JADE3: variants seen among roughly 807,000 people sequenced by gnomAD.
JADE3 encodes protein Jade-3.
JADE3 carries 2 observed loss-of-function variants against 50.1 expected under a neutral mutation model. The observed-to-expected ratio is 0.04, with a 90% CI of 0.02 to 0.13. JADE3 has a LOEUF of 0.13. Ranked by LOEUF, JADE3 falls within the 10% of genes least tolerant of loss-of-function variation. The pLI, the probability that JADE3 is intolerant of heterozygous loss-of-function variation, is 1.00. For missense variants in JADE3, 475 were observed against 634.4 expected, an observed-to-expected ratio of 0.75 and a Z score of 2.70; for synonymous variants, 218 against 232.9, an observed-to-expected ratio of 0.94 and a Z score of 0.58.
chrX:46,993,997 A>G (rs1928069458), intron 3 of JADE3, among the ~76,000 whole-genome samples: 1 of 111,990 alleles, frequency 8.9e-6, no homozygotes, highest in African/African-American at 3.2e-5. Flanking sequence ...GTGTAGCTTC[A>G]GATTTCAGTG....
chrX:47,053,641 T>C (rs1929569235), intron 8 of JADE3, among the ~76,000 whole-genome samples: 1 of 112,723 alleles, frequency 8.9e-6, no homozygotes, highest in Admixed American at 9.4e-5. Context: ...TTAGAACCAG[T>C]GGATGCTCTA....
intron 1 of JADE3, among the ~76,000 whole-genome samples, chrX:46,942,913 T>G (rs1306230221): frequency 2.7e-5 from 3 of 112,038 alleles, no homozygotes; most frequent in African/African-American, 9.7e-5. Context: ...GTAAAGATCT[T>G]TAACCTCCTT....
At chrX:46,915,298 C>T (rs1926057929) in intron 1 of JADE3, among the ~76,000 whole-genome samples, 1 of 112,061 alleles carries the variant, frequency 8.9e-6, no homozygotes, top group Admixed American at 9.4e-5. Context: ...GTGGAGCTTA[C>T]ACAAAATAGG....
chrX:47,014,488 G>A (rs1556362437), intron 4 of JADE3, among the ~76,000 whole-genome samples: 2 of 111,799 alleles, frequency 1.8e-5, no homozygotes, highest in Non-Finnish European at 3.8e-5. Context: ...GTAAAACAGC[G>A]ATTTCTCCTT....
At chrX:46,934,158 G>A (rs142735992) in intron 1 of JADE3, among the ~76,000 whole-genome samples, 3,312 of 111,015 alleles carry the variant, frequency 0.03, 145 homozygotes, top group African/African-American at 0.1. Context: ...TTTTTAAGAC[G>A]GAGTCTCGGC....
chrX:47,013,258 C>A (rs1928600868), intron 4 of JADE3, among the ~76,000 whole-genome samples: 1 of 111,621 alleles, frequency 9.0e-6, no homozygotes, highest in Non-Finnish European at 1.9e-5. Context: ...AAGCAGTTAT[C>A]CCATCTTGGC....
At chrX:47,004,560 G>A (rs1417138003) in intron 4 of JADE3, among the ~76,000 whole-genome samples, 1 of 111,944 alleles carries the variant, frequency 8.9e-6, no homozygotes, top group Admixed American at 9.5e-5. Flanking sequence ...CCTCCCAAGA[G>A]CTGGGACCAC....
chrX:47,059,863 C>T lies in JADE3; in HGVS notation c.*786C>T, dbSNP rs1236486416. 1.8e-5 allele frequency: 2 copies of T among 112,216 alleles called. No individual in the cohort carries two copies. The highest frequency in any genetic ancestry group is 6.5e-5 in the African/African-American group (2 of 30,818). The allele number at this position is 112,216 out of a possible 1,213,427, so 9.2% of individuals were successfully genotyped here. A position where few individuals can be genotyped will look rare whatever the true frequency, so the allele number is the denominator to read the frequency against. ...AGCCTTTCCCAAAGTGAGACCATTT[C>T]TGGGGTATTTGTACCAGGTCAGGGT... is the stretch of plus-strand genomic sequence containing the variant. On this transcript the variant is annotated 3_prime_UTR_variant, in exon 11 of 11. Transcript: ENST00000614628.
At chrX:47,053,279 G>T (rs1784896452) in intron 8 of JADE3, among the ~76,000 whole-genome samples, 1 of 109,808 alleles carries the variant, frequency 9.1e-6, no homozygotes, top group Non-Finnish European at 1.9e-5. Context: ...TTCTTTTTGA[G>T]ATAGGTTCTC....
At chrX:47,003,655 ATAT>A (rs1396589264) in intron 4 of JADE3, among the ~76,000 whole-genome samples, 5 of 100,598 alleles carry the variant, frequency 5.0e-5, no homozygotes, top group East Asian at 2.9e-4. Context: ...ATTTATATAT[ATAT>A]TAATTATATA....
rs1926278106 is a variant in JADE3, at chrX:46,923,401, T to TCC, written c.-12+10682_-12+10683insCC. Among the ~76,000 whole-genome samples the TCC allele has an allele frequency of 5.0e-5, 2 of 39,718 alleles. 1 individual carries two copies. The highest frequency in any genetic ancestry group is 3.0e-4 in the African/African-American group (2 of 6,595). The allele number at this position is 39,718 out of a possible 115,157, so 34.5% of individuals were successfully genotyped here. ...TCTCTCTCTCTCTCTCTCTTTTTTTTTTTTTTTTTTTTTTTTTTTTGAGGC... is the reference window on the plus strand; with the variant it reads ...TCTCTCTCTCTCTCTCTCTTTTTTTTCCTTTTTTTTTTTTTTTTTTTTGAGGC... On this transcript the variant is annotated intron_variant, in intron 1 of 10. Coordinates refer to ENST00000614628, the MANE Select transcript of JADE3 (RefSeq NM_014735.5).
intron 8 of JADE3, among the ~76,000 whole-genome samples, chrX:47,049,801 G>A (rs1459404438): frequency 2.4e-5 from 2 of 84,194 alleles, no homozygotes; most frequent in African/African-American, 9.4e-5. Context: ...TCGCCCTGTC[G>A]TCCAGGCTGG....
At chrX:46,986,606 G>T (rs1292148024) in intron 3 of JADE3, among the ~76,000 whole-genome samples, 1 of 112,024 alleles carries the variant, frequency 8.9e-6, no homozygotes, top group Non-Finnish European at 1.9e-5. Context: ...GTACAGAAAG[G>T]TATAGGTGAG....
intron 1 of JADE3, among the ~76,000 whole-genome samples, chrX:46,969,232 A>G (rs1402015058): frequency 3.6e-5 from 4 of 111,496 alleles, no homozygotes; most frequent in Non-Finnish European, 7.5e-5. Context: ...CCTGGCCAAC[A>G]TGGTGAAATC....
chrX:46,971,178 C>T (rs950375770), intron 1 of JADE3, among the ~76,000 whole-genome samples: 2 of 95,410 alleles, frequency 2.1e-5, no homozygotes, highest in African/African-American at 4.0e-5. Context: ...TGCAATGGCG[C>T]GATCTCGGCT....
At chrX:46,974,991 C>T (rs1927579730) in intron 1 of JADE3, among the ~76,000 whole-genome samples, 1 of 112,021 alleles carries the variant, frequency 8.9e-6, no homozygotes, top group Admixed American at 9.5e-5. Context: ...TCCCTAGATG[C>T]CAGTAACATC....
At chrX:47,037,439 C>T (rs893594039) in intron 7 of JADE3, among the ~76,000 whole-genome samples, 1 of 111,653 alleles carries the variant, frequency 9.0e-6, no homozygotes, top group East Asian at 2.8e-4. Flanking sequence ...AATAGATACT[C>T]GATTTAGTTA....
chrX:46,993,053 C>T (rs1447662460), intron 3 of JADE3, among the ~76,000 whole-genome samples: 1 of 111,755 alleles, frequency 8.9e-6, no homozygotes, highest in Admixed American at 9.5e-5. Flanking sequence ...TACATAGTAA[C>T]TGGCTGGGTG....
intron 4 of JADE3, among the ~76,000 whole-genome samples, chrX:47,009,941 A>G (rs781851402): frequency 1.3e-4 from 14 of 105,228 alleles, no homozygotes; most frequent in Non-Finnish European, 2.1e-4. Context: ...CCTTTCTTAT[A>G]CTAAAATAAA....
Sources: gnomAD v4.1 joint callset for allele counts (sites outside exome capture counted in the v4.1 genomes callset) on GRCh38, gnomAD v4.1.1 for gene constraint, MANE v1.5 for transcripts, NCBI Gene and HGNC (gene_info 2026-07-23, HGNC 2026-07-21) for gene names.